DDX23: variants seen among roughly 807,000 people sequenced by gnomAD.
The protein encoded by DDX23 is probable ATP-dependent RNA helicase DDX23.
A neutral mutation model predicts 102.7 loss-of-function variants in DDX23; 33 were observed. The ratio of observed to expected loss-of-function variants is 0.32; its 90% CI spans 0.24 to 0.43. DDX23 has a LOEUF of 0.43. Ranked by LOEUF, DDX23 falls within the 20% of genes least tolerant of loss-of-function variation. The probability of loss-of-function intolerance (pLI) is 1.00; values close to 1 mark genes in which losing one functional copy is unlikely to be tolerated. For synonymous variants in DDX23, 352 were observed against 376.0 expected, an observed-to-expected ratio of 0.94 and a Z score of 0.74; for missense variants, 549 against 1,086.6, an observed-to-expected ratio of 0.51 and a Z score of 6.96.
intron 3 of DDX23, among the ~76,000 whole-genome samples, chr12:48,843,547 C>CTTT (rs757724499): frequency 1.1e-4 from 13 of 117,486 alleles, no homozygotes; most frequent in South Asian, 2.7e-4. Flanking sequence ...TTCTTTCTTT[C>CTTT]TTTTTTTTTT....
At chr12:48,851,751 C>T (rs1938763421) in intron 1 of DDX23, among the ~76,000 whole-genome samples, 1 of 152,152 alleles carries the variant, frequency 6.6e-6, no homozygotes, top group Non-Finnish European at 1.5e-5. Flanking sequence ...GGACTGACTG[C>T]GAGAGAAAAG....
At chr12:48,837,159 G>T in intron 8 of DDX23, 122 bp from the exon 9 acceptor site, 1 of 1,548,030 alleles carries the variant, frequency 6.5e-7, no homozygotes, top group Non-Finnish European at 8.8e-7. Flanking sequence ...CAGAGGGCTG[G>T]CTGACTACCA....
At chr12:48,849,397 C>T (rs2137498898) in intron 1 of DDX23, among the ~76,000 whole-genome samples, 1 of 152,250 alleles carries the variant, frequency 6.6e-6, no homozygotes, top group East Asian at 2.0e-4. Context: ...GGAGCAGTGG[C>T]TCACGCCTGT....
chr12:48,842,271 T>TG (rs1376475251), intron 3 of DDX23, among the ~76,000 whole-genome samples: 12 of 115,522 alleles, frequency 1.0e-4, no homozygotes, highest in Middle Eastern at 0.015. Flanking sequence ...GGGAGGGAGG[T>TG]GGGGGGGTCA....
intron 3 of DDX23, among the ~76,000 whole-genome samples, chr12:48,842,570 C>A (rs1938582848): frequency 4.7e-5 from 7 of 148,700 alleles, no homozygotes; most frequent in East Asian, 4.1e-4. Context: ...CCCCGCCCGG[C>A]CAGCCGCCCC....
chr12:48,836,123 G>A lies in DDX23; in HGVS notation c.1380C>T (p.Asp460=). The A allele has an allele frequency of 6.2e-7, 1 of 1,612,812 alleles. No homozygotes were observed. The highest frequency in any genetic ancestry group is 2.0e-4 in the Middle Eastern group (1 of 5,018). ...LVWITTLPKI[D]RIEESDQGPY... is the part of the protein sequence containing the mutation. ...CAGCTGGTGCTAGCTGACCTCACCT[G>A]TCAATTTTGGGAAGTGTGGTGATCC... Residue 460 remains aspartate, a splice_region_variant and synonymous_variant, in exon 11 of 17, where the codon GAC becomes GAT. Transcript: ENST00000308025. This position sits in a 1 kb window ranked among gnomAD's most constrained non-coding sequence, Gnocchi z 6.1.
chr12:48,842,891 T>C (rs1938592861), intron 3 of DDX23, among the ~76,000 whole-genome samples: 1 of 151,804 alleles, frequency 6.6e-6, no homozygotes, highest in African/African-American at 2.4e-5. Flanking sequence ...AGAAATCGGA[T>C]GGTTGCCGTG....
intron 1 of DDX23, chr12:48,847,431 C>T (rs1938685105): frequency 6.6e-6 from 1 of 151,726 alleles, no homozygotes; most frequent in South Asian, 2.1e-4. Flanking sequence ...AGGAGAATCA[C>T]TTGAACCCAG....
intron 2 of DDX23, among the ~76,000 whole-genome samples, 191 bp from the exon 3 acceptor site, chr12:48,844,241 G>A (rs2446994): frequency 0.13 from 19,309 of 152,112 alleles, 1,370 homozygotes; most frequent in African/African-American, 0.18. Context: ...AAATATTAAC[G>A]GCAATGACAG....
chr12:48,837,002 C>T lies in DDX23; in HGVS notation c.902G>A (p.Arg301Gln), dbSNP rs1938474865. Reference protein sequence around the residue: ...KERHQVQLLGRGFIAGIDLKQ... With the variant: ...KERHQVQLLGQGFIAGIDLKQ... ...GAGGTCAATGCCTGCAATGAAGCCT[C>T]GCCCTAACAACTGCACCTGGTGCCG... is the stretch of plus-strand genomic sequence containing the variant. The change falls in exon 9 of 17, where the codon CGA becomes CAA. Residue 301 changes from arginine (R) to glutamine (Q), a missense_variant. Arg to Gln is a conservative substitution (Grantham distance 43). This residue lies in a region of DDX23 where 270 missense variants were observed against 707.0 expected (regional missense o/e 0.38). Transcript: ENST00000308025. 6.2e-7 allele frequency: 1 copy of T among 1,613,998 alleles called. No homozygotes were observed.
At chr12:48,835,949 C>A (rs1938463338) in intron 11 of DDX23, among the ~76,000 whole-genome samples, 172 bp downstream of exon 11, 1 of 152,084 alleles carries the variant, frequency 6.6e-6, no homozygotes, top group Admixed American at 6.5e-5. Context: ...CAGGTCTTTG[C>A]CAGCAACATA....
chr12:48,848,179 G>T (rs966065106), intron 1 of DDX23, among the ~76,000 whole-genome samples: 2 of 151,744 alleles, frequency 1.3e-5, no homozygotes, highest in African/African-American at 4.8e-5. Context: ...CCACCTACTC[G>T]GGAGGCTGAG....
In DDX23 at chr12:48,830,065, G is replaced by C. The variant is rs546306377; in HGVS notation, c.*404C>G. The stretch of plus-strand genomic sequence containing the variant: ...TGCCAGGTCTCCTGGGGCATCTAGG[G>C]CAATGATGCTACTGCAGTTTATGCA... On this transcript the variant is annotated 3_prime_UTR_variant, in exon 17 of 17. Coordinates refer to ENST00000308025, the MANE Select transcript of DDX23 (RefSeq NM_004818.3). This position sits in a 1 kb window ranked among gnomAD's most constrained non-coding sequence, Gnocchi z 4.9. 5.3e-6 allele frequency: 2 copies of C among 375,268 alleles called. No homozygotes were observed. The highest frequency in any genetic ancestry group is 7.1e-5 in the East Asian group (1 of 14,004). 23.2% of individuals were successfully genotyped at this position (375,268 alleles called of 1,614,324 possible). A position where few individuals can be genotyped will look rare whatever the true frequency, so the allele number is the denominator to read the frequency against.
intron 1 of DDX23, among the ~76,000 whole-genome samples, chr12:48,851,479 A>G (rs1168627873): frequency 1.3e-5 from 2 of 152,190 alleles, no homozygotes; most frequent in Admixed American, 6.5e-5. Context: ...TCTCAAAAAA[A>G]AAAAGAAAAG....
intron 1 of DDX23, among the ~76,000 whole-genome samples, chr12:48,850,272 G>A (rs1938735588): frequency 6.6e-6 from 1 of 152,216 alleles, no homozygotes; most frequent in African/African-American, 2.4e-5. Context: ...TAAGGAAGAA[G>A]CAGAAAGAGC....
rs113544050 is a variant in DDX23, at chr12:48,837,110, G to T, written c.867-73C>A. On this transcript the variant is annotated intron_variant, in intron 8 of 16. Coordinates refer to ENST00000308025, the MANE Select transcript of DDX23 (RefSeq NM_004818.3). ...AGTAGGAAGGAAGGGCAGACTACTA[G>T]TATGAAACAGTTCTTCCCAGACAGG... 1,545 of 1,592,448 alleles carry T rather than the reference G, an allele frequency of 9.7e-4. 26 individuals carry two copies. In the African/African-American group the frequency reaches 0.018, roughly 19 times the overall value.
chr12:48,848,128 A>G (rs1448886916), intron 1 of DDX23, among the ~76,000 whole-genome samples: 3 of 152,130 alleles, frequency 2.0e-5, no homozygotes, highest in Non-Finnish European at 2.9e-5. Flanking sequence ...CACTAAAAAT[A>G]CAAAAAAATT....
intron 3 of DDX23, among the ~76,000 whole-genome samples, chr12:48,843,387 C>CT (rs1207736867): frequency 6.6e-6 from 1 of 151,610 alleles, no homozygotes; most frequent in African/African-American, 2.4e-5. Flanking sequence ...TCACCTAAGC[C>CT]TGGGGGAGTC....
At chr12:48,834,712 T>A in intron 11 of DDX23, 1 of 438,794 alleles carries the variant, frequency 2.3e-6, no homozygotes, top group Non-Finnish European at 4.1e-6. Context: ...GGCAGGCGGA[T>A]CACCTGAAGT....
Sources: allele counts gnomAD v4.1 joint callset (sites outside exome capture counted in the v4.1 genomes callset), GRCh38; gene constraint gnomAD v4.1.1; regional missense constraint gnomAD v4.1.1; non-coding constraint Gnocchi (gnomAD v3.1); transcripts MANE v1.5; gene names NCBI Gene and HGNC (gene_info 2026-07-23, HGNC 2026-07-21).